COL6A5: variants seen among roughly 807,000 people sequenced by gnomAD.
COL6A5 encodes the protein collagen alpha-5(VI) chain.
A neutral mutation model predicts 65.6 loss-of-function variants in COL6A5; 48 were observed. The observed-to-expected ratio is 0.73, with a 90% CI of 0.58 to 0.93. COL6A5 has a LOEUF of 0.93. Among genes scored for constraint, COL6A5 ranks in the 40% least tolerant of loss-of-function variants. COL6A5 has a pLI of 0.00. For synonymous variants in COL6A5, 291 were observed against 322.8 expected (o/e 0.90, Z 1.05); for missense variants, 914 against 928.3 (o/e 0.98, Z 0.20).
chr3:130,401,901 G>T, intron 12 of COL6A5, 47 bp downstream of exon 12: 2 of 1,364,214 alleles, frequency 1.5e-6, no homozygotes, highest in East Asian at 5.0e-5. Flanking sequence ...CCTTGATTTG[G>T]TACAGGTGGG....
At chr3:130,362,309 TA>T (rs1935151576) in intron 1 of COL6A5, among the ~76,000 whole-genome samples, 2 of 2,800 alleles carry the variant, frequency 7.1e-4, no homozygotes, top group Non-Finnish European at 9.5e-4. Flanking sequence ...TATATATATA[TA>T]TATATATATA....
At chr3:130,372,267 A>T (rs1419646975) in intron 1 of COL6A5, among the ~76,000 whole-genome samples, 4 of 152,076 alleles carry the variant, frequency 2.6e-5, no homozygotes, top group Middle Eastern at 3.4e-3. Context: ...GTTTCTCAAA[A>T]TGTTAAACAT....
chr3:130,379,361 T>A, intron 3 of COL6A5, 57 bp from the exon 4 acceptor site: 1 of 1,437,084 alleles, frequency 7.0e-7, no homozygotes, highest in East Asian at 2.5e-5. Context: ...AAAAAGTACC[T>A]TTTTCTCTCC....
At chr3:130,469,387 T>G (rs371754630) in exon 6 of COL6A5, 1 of 1,612,850 alleles carries the variant, frequency 6.2e-7, no homozygotes, top group Non-Finnish European at 8.5e-7. Context: ...CCAGCCACCC[T>G]CTGGATCATC....
rs72986378 is a variant in COL6A5 at position 130,463,508 on chromosome 3, T to C, written c.1545-5287T>C. Among the ~76,000 whole-genome samples the C allele has an allele frequency of 8.0e-3, 1,211 of 152,170 alleles. 16 individuals are homozygous for C. Among genetic ancestry groups the C allele is most frequent in the African/African-American group, 0.027 (1,141 of 41,546 alleles). On this transcript the variant is annotated intron_variant, in intron 5 of 7. Coordinates refer to ENST00000512836, the Ensembl canonical transcript of COL6A5. Reference sequence around the variant, plus strand: ...CTCCCTAATGTTACTGGAGCACATTTGGTGTTGTGGCTTAAGTCATTGGCC... The same window carrying C: ...CTCCCTAATGTTACTGGAGCACATTCGGTGTTGTGGCTTAAGTCATTGGCC...
chr3:130,426,394 G>C (rs1165523323), exon 31 of COL6A5: 2 of 1,550,986 alleles, frequency 1.3e-6, no homozygotes, highest in Admixed American at 3.9e-5. Context: ...GTTTTTGCGG[G>C]AACATAGTCG....
At chr3:130,426,193 C>G (rs894777049) in intron 29 of COL6A5, 21 bp from the exon 30 acceptor site, 15 of 1,550,488 alleles carry the variant, frequency 9.7e-6, no homozygotes, top group Non-Finnish European at 1.3e-5. Context: ...CACTAACTTG[C>G]TCTGTTTTTG....
At chr3:130,429,182 C>A (rs72982488), upstream of COL6A5, among the ~76,000 whole-genome samples, 2,749 of 152,194 alleles carry the variant, frequency 0.018, 83 homozygotes, top group African/African-American at 0.062. Flanking sequence ...AATAAGACCC[C>A]GTATTTTAGC....
intron 1 of COL6A5, among the ~76,000 whole-genome samples, chr3:130,372,466 C>T (rs1935603966): frequency 6.6e-6 from 1 of 151,686 alleles, no homozygotes; most frequent in South Asian, 2.1e-4. Flanking sequence ...TATCTATATC[C>T]ATACAATGGA....
chr3:130,431,775 C>T (rs1434690072), exon 1 of COL6A5: 20 of 1,551,470 alleles, frequency 1.3e-5, no homozygotes, highest in East Asian at 2.4e-5. Flanking sequence ...TGACCCGCAA[C>T]GTGTTCAAGC....
intron 5 of COL6A5, 43 bp from the exon 6 acceptor site, chr3:130,388,537 T>C (rs190118374): frequency 6.9e-7 from 1 of 1,448,870 alleles, no homozygotes; most frequent in African/African-American, 1.4e-5. Context: ...ATGAGAACCT[T>C]TCCAACCTGG....
intron 3 of COL6A5, 24 bp from the exon 36 acceptor site, chr3:130,443,448 TCTAA>T: frequency 6.6e-7 from 1 of 1,506,740 alleles, no homozygotes; most frequent in Non-Finnish European, 9.2e-7. Flanking sequence ...AGTTTTAAAA[TCTAA>T]CTATAACTTT....
intron 7 of COL6A5, among the ~76,000 whole-genome samples, chr3:130,476,090 G>A (rs895532385): frequency 6.6e-6 from 1 of 152,088 alleles, no homozygotes; most frequent in Non-Finnish European, 1.5e-5. Flanking sequence ...AGACTGGGTG[G>A]CTTAAATAAC....
chr3:130,397,964 C>T (rs1936668188), intron 9 of COL6A5, 41 bp downstream of exon 9: 11 of 1,543,392 alleles, frequency 7.1e-6, no homozygotes, highest in Non-Finnish European at 9.7e-6. Context: ...CACATTCTCC[C>T]ATTTGTTCTT....
At chr3:130,380,050 G>GATAA in the COL6A5 span, 2 of 1,495,930 alleles carry the variant, frequency 1.3e-6, no homozygotes, top group Non-Finnish European at 1.8e-6. Flanking sequence ...TGATAAAACT[G>GATAA]GTATGTTTTT....
At chr3:130,418,976 A>C in intron 25 of COL6A5, 45 bp downstream of exon 25, 1 of 1,493,504 alleles carries the variant, frequency 6.7e-7, no homozygotes, top group Non-Finnish European at 9.1e-7. Context: ...CTGGGTATTC[A>C]GTTCCAAGGT....
exon 4 of COL6A5, chr3:130,443,538 G>A (rs749654341): frequency 6.2e-7 from 1 of 1,610,782 alleles, no homozygotes; most frequent in South Asian, 1.1e-5. Flanking sequence ...CAATTTAGGA[G>A]GAGAGAATAT....
chr3:130,439,652 C>A, intron 2 of COL6A5, 37 bp downstream of exon 34: 1 of 1,341,824 alleles, frequency 7.5e-7, no homozygotes, highest in Non-Finnish European at 1.0e-6. Context: ...TGCTGAAGAG[C>A]TTAAATGCCT....
intron 4 of COL6A5, among the ~76,000 whole-genome samples, chr3:130,444,956 A>G (rs1260319922): frequency 6.6e-6 from 1 of 152,240 alleles, no homozygotes; most frequent in Non-Finnish European, 1.5e-5. Context: ...GAAGTATTCC[A>G]ATCACACTGC....
Sources: allele counts gnomAD v4.1 joint callset (sites outside exome capture counted in the v4.1 genomes callset), GRCh38; gene constraint gnomAD v4.1.1; transcripts MANE v1.5; gene names NCBI Gene and HGNC (gene_info 2026-07-23, HGNC 2026-07-21).